ATAD2: variants seen among roughly 807,000 people sequenced by gnomAD.
ATAD2 encodes the protein ATPase family AAA domain-containing protein 2.
A neutral mutation model predicts 168.9 loss-of-function variants in ATAD2; 62 were observed. The observed-to-expected ratio is 0.37, with a 90% CI of 0.30 to 0.45. The LOEUF (loss-of-function observed/expected upper bound fraction) is 0.45, where lower values mean the gene tolerates loss of function less well. ATAD2 is among the 20% of genes least tolerant of loss of function. ATAD2 has a pLI of 1.00. For synonymous variants in ATAD2, 613 were observed against 571.6 expected, an observed-to-expected ratio of 1.07 and a Z score of -1.03; for missense variants, 1,419 against 1,667.8, an observed-to-expected ratio of 0.85 and a Z score of 2.60.
intron 3 of ATAD2, 112 bp from the exon 4 acceptor site, chr8:123,371,947 G>GT (rs1310629457): frequency 1.4e-5 from 16 of 1,104,444 alleles, no homozygotes; most frequent in Non-Finnish European, 2.5e-6. Context: ...CAAAATTACA[G>GT]TATCTTAAAC....
chr8:123,389,984 ATTTTTTTT>A lies in ATAD2; in HGVS notation c.171+6195_171+6202del, dbSNP rs577381945. The stretch of plus-strand genomic sequence containing the variant: ...TTTATATATATATATATATATATAT[ATTTTTTTT>A]TTTTTAGACAGAGTCTTGCTCTCTT... On this transcript the variant is annotated intron_variant, in intron 1 of 27. Coordinates refer to ENST00000287394, the MANE Select transcript of ATAD2 (RefSeq NM_014109.4). Among the ~76,000 whole-genome samples the A allele has an allele frequency of 5.9e-4, 68 of 115,094 alleles. 2 individuals carry two copies. The highest frequency in any genetic ancestry group is 2.9e-3 in the African/African-American group (66 of 22,930). 75.5% of individuals were successfully genotyped at this position (115,094 alleles called of 152,430 possible).
intron 8 of ATAD2, among the ~76,000 whole-genome samples, chr8:123,362,327 G>T (rs1265177419): frequency 2.7e-5 from 4 of 150,706 alleles, no homozygotes; most frequent in African/African-American, 9.8e-5. Context: ...AAGTATTTGG[G>T]ACTGTAATTT....
At position 123,369,067 on chromosome 8, in the gene ATAD2, C is replaced by T. The variant is rs773019090; in HGVS notation, c.1040G>A (p.Arg347Gln). 4.6e-5 allele frequency: 73 copies of T among 1,570,054 alleles called. No homozygotes were observed. The highest frequency in any genetic ancestry group is 6.1e-5 in the Non-Finnish European group (70 of 1,147,710). Residue 347 changes from arginine (R) to glutamine (Q), a missense_variant, in exon 8 of 28, where the codon CGA (arginine) becomes CAA (glutamine). Physicochemically the swap from Arg to Gln is conservative, Grantham distance 43. Around this residue, in one of 5 missense-constraint regions of ATAD2, gnomAD observed 146 missense variants for 188.3 expected, o/e 0.78. Transcript: ENST00000287394. ...TATATCAGAACCAAACCTGTTCATT[C>T]GTTTACAGTAAGGACTTCTTGGTCC... ...SAGPRSPYCKRMNRRRHAIHS... is the reference protein window; with the variant it reads ...SAGPRSPYCKQMNRRRHAIHS...
At chr8:123,377,267 C>T (rs1446820771) in intron 2 of ATAD2, among the ~76,000 whole-genome samples, 2 of 151,074 alleles carry the variant, frequency 1.3e-5, no homozygotes, top group Non-Finnish European at 2.9e-5. Flanking sequence ...AGGCAATATT[C>T]TCAAAAAGAA....
Position 123,351,787 on chromosome 8 carries a change from G to A in ATAD2, c.1647-2343C>T, listed in dbSNP as rs552578112. Among the ~76,000 whole-genome samples the A allele has an allele frequency of 2.0e-5, 3 of 146,398 alleles. No individual in the cohort carries two copies. In the South Asian group the frequency reaches 6.4e-4, roughly 31 times the overall value. On this transcript the variant is annotated intron_variant, in intron 13 of 27. Transcript: ENST00000287394. Reference sequence around the variant, plus strand: ...TTTTGAGACGGAGTCTGGCTGTGTCGCCCAGGCTGGAGTGCAGTGGCACGA... The same window carrying A: ...TTTTGAGACGGAGTCTGGCTGTGTCACCCAGGCTGGAGTGCAGTGGCACGA...
intron 22 of ATAD2, among the ~76,000 whole-genome samples, chr8:123,335,523 T>A (rs1018285825): frequency 3.9e-5 from 6 of 152,236 alleles, no homozygotes; most frequent in African/African-American, 9.6e-5. Context: ...CAACTATTTT[T>A]AAAATGTATC....
upstream of ATAD2, among the ~76,000 whole-genome samples, chr8:123,396,721 CG>C (rs1554648393): frequency 1.3e-5 from 2 of 152,038 alleles, no homozygotes; most frequent in Non-Finnish European, 2.9e-5. Flanking sequence ...GTGCGTAGCC[CG>C]TTTGGAATTT....
chr8:123,364,532 ACTAG>A (rs1448892209), intron 8 of ATAD2, among the ~76,000 whole-genome samples: 2 of 152,184 alleles, frequency 1.3e-5, no homozygotes, highest in Non-Finnish European at 2.9e-5. Flanking sequence ...TTAACAAAAT[ACTAG>A]CTAATCGAAT....
intron 26 of ATAD2, among the ~76,000 whole-genome samples, chr8:123,324,574 A>C (rs1257465707): frequency 6.6e-6 from 1 of 152,192 alleles, no homozygotes; most frequent in Non-Finnish European, 1.5e-5. Flanking sequence ...ACCGTTACAG[A>C]GGTGATGGCT....
upstream of ATAD2, chr8:123,400,783 A>G: frequency 1.2e-6 from 1 of 862,344 alleles, no homozygotes; most frequent in Admixed American, 1.7e-5. The surrounding 1 kb of genome is among the most constrained non-coding windows in gnomAD (Gnocchi z 4.5). Context: ...CTCCTCCTCC[A>G]TGGACACTGT....
At chr8:123,360,896 G>A (rs1254644309) in intron 9 of ATAD2, among the ~76,000 whole-genome samples, 1 of 146,568 alleles carries the variant, frequency 6.8e-6, no homozygotes, top group Non-Finnish European at 1.5e-5. Context: ...AAAGCCTTCC[G>A]TTTTCCTTAA....
chr8:123,324,269 G>C (rs1479937348), intron 26 of ATAD2, among the ~76,000 whole-genome samples: 1 of 152,098 alleles, frequency 6.6e-6, no homozygotes, highest in African/African-American at 2.4e-5. Flanking sequence ...GTACTAACAG[G>C]TTCACTTTGT....
chr8:123,401,475 G>T, intron 1 of ATAD2: 2 of 1,560,590 alleles, frequency 1.3e-6, no homozygotes, highest in East Asian at 2.3e-5. Context: ...GGTGATTGGG[G>T]GGAACGTGGT....
chr8:123,339,361 T>C lies in ATAD2; in HGVS notation c.2804A>G (p.Asp935Gly), dbSNP rs1408852568. Residue 935 changes from aspartate to glycine, a missense_variant, in exon 20 of 28, where the codon GAT (aspartate) becomes GGT (glycine). Physicochemically the swap from Asp to Gly is moderately conservative, Grantham distance 94. This residue lies in a region of ATAD2 where 545 missense variants were observed against 724.9 expected (regional missense o/e 0.75). Transcript: ENST00000287394. ...CTTAGCAGCTTGTTTTAGAATTAAA[T>C]CTTCAAAAAATTTTGTCCGTTCTTC... ...DKEERTKFFE[D>G]LILKQAAKPP... 1.2e-6 allele frequency: 2 copies of C among 1,601,380 alleles called. No homozygotes were observed. Among genetic ancestry groups the C allele is most frequent in the African/African-American group, 2.7e-5 (2 of 74,540 alleles).
intron 11 of ATAD2, among the ~76,000 whole-genome samples, chr8:123,358,855 C>T (rs573443382): frequency 6.2e-4 from 94 of 151,486 alleles, no homozygotes; most frequent in Non-Finnish European, 1.1e-3. Flanking sequence ...CAGCGCACGC[C>T]GCCAGGCCTG....
rs192506438 is a variant in ATAD2, at chr8:123,404,711, C to T, written c.-2281-3536G>A. 2.4e-3 allele frequency among the ~76,000 whole-genome samples: 361 copies of T among 152,170 alleles called. 2 individuals carry two copies. The highest frequency in any genetic ancestry group is 8.2e-3 in the African/African-American group (342 of 41,504). ...CCTCCAGAGTAGCTGGGATTACAGG[C>T]GCCCGCCACCACGCCTGGCTAATTT... On this transcript the variant is annotated intron_variant, in intron 1 of 28. Transcript: ENST00000521903.
chr8:123,369,692 C>T (rs1295732466), intron 7 of ATAD2, 129 bp downstream of exon 7: 10 of 771,118 alleles, frequency 1.3e-5, no homozygotes, highest in Non-Finnish European at 2.0e-6. Context: ...TAGGTAAAGA[C>T]AACAGTAATG....
Position 123,334,629 on chromosome 8 carries a change from A to G in ATAD2, c.3212-307T>C, listed in dbSNP as rs188577823. ...AAGAGATTAAACATGATAACGAAAA[A>G]TAAAAGAGAAGGCTATCAGTGTCAT... On this transcript the variant is annotated intron_variant, in intron 22 of 27. Transcript: ENST00000287394. Among the ~76,000 whole-genome samples the G allele has an allele frequency of 4.6e-3, 699 of 152,364 alleles. 4 individuals carry two copies. Among genetic ancestry groups the G allele is most frequent in the Non-Finnish European group, 5.7e-3 (386 of 68,030 alleles).
intron 1 of ATAD2, among the ~76,000 whole-genome samples, chr8:123,393,978 C>A (rs1384518819): frequency 1.3e-5 from 2 of 151,992 alleles, no homozygotes; most frequent in African/African-American, 4.8e-5. Flanking sequence ...CATGGCAACA[C>A]TGGAGGACAT....
Sources: allele counts gnomAD v4.1 joint callset (sites outside exome capture counted in the v4.1 genomes callset), GRCh38; gene constraint gnomAD v4.1.1; regional missense constraint gnomAD v4.1.1; non-coding constraint Gnocchi (gnomAD v3.1); transcripts MANE v1.5; gene names NCBI Gene and HGNC (gene_info 2026-07-23, HGNC 2026-07-21).